Variants in SCARA3 observed in about 807,000 individuals in gnomAD.
SCARA3 encodes the protein cellular stress response gene protein.
SCARA3 carries 39 observed loss-of-function variants against 47.0 expected under a neutral mutation model. The ratio of observed to expected loss-of-function variants is 0.83; its 90% CI spans 0.64 to 1.08. The LOEUF (loss-of-function observed/expected upper bound fraction) is 1.08, where lower values mean the gene tolerates loss of function less well. SCARA3 is among the 50% of genes least tolerant of loss of function. SCARA3 has a pLI of 0.00. For missense variants in SCARA3, 724 were observed against 792.3 expected, an observed-to-expected ratio of 0.91 and a Z score of 1.04; for synonymous variants, 356 against 334.1, an observed-to-expected ratio of 1.07 and a Z score of -0.71.
chr8:27,701,570 T>A, the SCARA3 span: 7 of 151,692 alleles, frequency 4.6e-5, no homozygotes, highest in Non-Finnish European at 1.0e-4. Flanking sequence ...TTCCTTCCTC[T>A]CTTTCTTTCT....
At chr8:27,709,353 G>A in the SCARA3 span, among the ~76,000 whole-genome samples, 2 of 152,186 alleles carry the variant, frequency 1.3e-5, no homozygotes, top group African/African-American at 4.8e-5. Flanking sequence ...CCTTGACCGG[G>A]CCAGGAAGAG....
rs961320295 is a variant in SCARA3, at chr8:27,665,075, G to A, written c.1369+5536G>A. Among the ~76,000 whole-genome samples, 75 of 152,192 alleles carry A rather than the reference G, an allele frequency of 4.9e-4. 2 individuals carry two copies. The highest frequency in any genetic ancestry group is 1.9e-4 in the Non-Finnish European group (13 of 68,038). The stretch of plus-strand genomic sequence containing the variant: ...CTGGCAATGCGGTCTCCACGTGGCC[G>A]GAACTGAGCGGCTATCTGGAATAAA... On this transcript the variant is annotated intron_variant, in intron 5 of 5. Transcript: ENST00000301904.
the SCARA3 span, among the ~76,000 whole-genome samples, chr8:27,726,880 G>A: frequency 6.6e-6 from 1 of 151,842 alleles, no homozygotes; most frequent in South Asian, 2.1e-4. Context: ...CTGCCTCCCA[G>A]GTTCAAGCAA....
At chr8:27,724,876 C>T in the SCARA3 span, among the ~76,000 whole-genome samples, 29 of 152,266 alleles carry the variant, frequency 1.9e-4, no homozygotes, top group Admixed American at 5.2e-4. Flanking sequence ...CCATAAATAA[C>T]TCAATAGGCA....
At chr8:27,681,600 T>C (rs527493637), downstream of SCARA3, among the ~76,000 whole-genome samples, 4 of 152,148 alleles carry the variant, frequency 2.6e-5, no homozygotes, top group East Asian at 7.7e-4. Context: ...CATGCACCTG[T>C]AGCCCCAGCT....
At chr8:27,711,222 C>T in the SCARA3 span, among the ~76,000 whole-genome samples, 1 of 152,088 alleles carries the variant, frequency 6.6e-6, no homozygotes, top group Non-Finnish European at 1.5e-5. Flanking sequence ...ACACCAGGCC[C>T]TGGGCTCTCT....
rs34679095 is a variant in SCARA3, at chr8:27,663,523, G to A, written c.1369+3984G>A. Among the ~76,000 whole-genome samples the A allele has an allele frequency of 1.6e-4, 24 of 152,328 alleles. 1 individual carries two copies. In the East Asian group the frequency reaches 3.5e-3, roughly 22 times the overall value. Reference sequence around the variant, plus strand: ...GATGATGGAGTATTGCTCTGCACACGCAACTTTATGGATTAGTGGATCAGC... The same window carrying A: ...GATGATGGAGTATTGCTCTGCACACACAACTTTATGGATTAGTGGATCAGC... On this transcript the variant is annotated intron_variant, in intron 5 of 5. Transcript: ENST00000301904.
In SCARA3 at chr8:27,639,465, G is replaced by A. The variant is rs138560411; in HGVS notation, c.7+5258G>A. On this transcript the variant is annotated intron_variant, in intron 1 of 5. Coordinates refer to ENST00000301904, the MANE Select transcript of SCARA3 (RefSeq NM_016240.3). ...GAGTTGGATGGGGTCAGTGAAGAGGGCAGGAAGGAGTGCTGGGAAAAGTTG... is the reference window on the plus strand; with the variant it reads ...GAGTTGGATGGGGTCAGTGAAGAGGACAGGAAGGAGTGCTGGGAAAAGTTG... Among the ~76,000 whole-genome samples the A allele has an allele frequency of 5.7e-4, 87 of 152,266 alleles. 1 individual carries two copies. Among genetic ancestry groups the A allele is most frequent in the African/African-American group, 1.9e-3 (80 of 41,544 alleles).
intron 5 of SCARA3, among the ~76,000 whole-genome samples, chr8:27,663,229 G>A (rs562976229): frequency 6.6e-6 from 1 of 152,230 alleles, no homozygotes; most frequent in Admixed American, 6.5e-5. Flanking sequence ...CTTCAGGGAC[G>A]TCTCAGGAAG....
At chr8:27,668,819 G>A (rs1802078358) in intron 5 of SCARA3, among the ~76,000 whole-genome samples, 1 of 152,210 alleles carries the variant, frequency 6.6e-6, no homozygotes, top group Non-Finnish European at 1.5e-5. Context: ...AGCCACAACA[G>A]AGGAAGACCC....
At chr8:27,720,776 C>T in the SCARA3 span, among the ~76,000 whole-genome samples, 1 of 151,762 alleles carries the variant, frequency 6.6e-6, no homozygotes, top group Non-Finnish European at 1.5e-5. Context: ...ATCCACCCAC[C>T]CCTCTATTCA....
At chr8:27,689,468 A>G in the SCARA3 span, among the ~76,000 whole-genome samples, 10 of 152,142 alleles carry the variant, frequency 6.6e-5, no homozygotes, top group African/African-American at 2.4e-4. Flanking sequence ...CGATGCTGGG[A>G]ATGCACTGAG....
At chr8:27,730,482 C>T in the SCARA3 span, among the ~76,000 whole-genome samples, 53 of 115,108 alleles carry the variant, frequency 4.6e-4, no homozygotes, top group African/African-American at 1.6e-3. Context: ...AGAGCTTCTG[C>T]CTTTGATTTT....
At chr8:27,665,864 C>G (rs1452461153) in intron 5 of SCARA3, among the ~76,000 whole-genome samples, 1 of 152,206 alleles carries the variant, frequency 6.6e-6, no homozygotes, top group Non-Finnish European at 1.5e-5. Flanking sequence ...TTGTGTTACT[C>G]ATCGAGGACC....
At chr8:27,683,369 C>T in the SCARA3 span, among the ~76,000 whole-genome samples, 1 of 152,134 alleles carries the variant, frequency 6.6e-6, no homozygotes, top group East Asian at 1.9e-4. Flanking sequence ...GTTACACACA[C>T]AGGTGTGTGC....
chr8:27,649,560 G>T, intron 1 of SCARA3, 142 bp from the exon 2 acceptor site: 2 of 742,066 alleles, frequency 2.7e-6, no homozygotes, highest in South Asian at 1.6e-5. Flanking sequence ...CTCCCTTTTT[G>T]CAGCTTACAT....
chr8:27,676,359 G>A (rs111981413), downstream of SCARA3, among the ~76,000 whole-genome samples: 4 of 152,308 alleles, frequency 2.6e-5, no homozygotes, highest in African/African-American at 9.6e-5. Context: ...TGAGAGCAGT[G>A]CAGGAGATGG....
the SCARA3 span, among the ~76,000 whole-genome samples, chr8:27,726,662 T>C: frequency 6.6e-6 from 1 of 152,056 alleles, no homozygotes; most frequent in Non-Finnish European, 1.5e-5. Flanking sequence ...ATTGTGCCAC[T>C]GCACTCTAGC....
Position 27,651,499 on chromosome 8 carries a change from C to A in SCARA3, c.107-9C>A. On this transcript the variant is annotated splice_polypyrimidine_tract_variant and intron_variant, in intron 2 of 5. Transcript: ENST00000301904. ...GCCTAAGCCATTGTCCTCCTTGTGT[C>A]CCCCACAGGCCGGCCAGGGCCCCGC... The A allele has an allele frequency of 1.2e-6, 2 of 1,610,176 alleles. No homozygotes were observed. Among genetic ancestry groups the A allele is most frequent in the Non-Finnish European group, 1.7e-6 (2 of 1,179,772 alleles).
Sources: allele counts gnomAD v4.1 joint callset (sites outside exome capture counted in the v4.1 genomes callset), GRCh38; gene constraint gnomAD v4.1.1; transcripts MANE v1.5; gene names NCBI Gene and HGNC (gene_info 2026-07-23, HGNC 2026-07-21).